The following SLC35F3 variants were observed in gnomAD, a reference collection of about 807,000 sequenced individuals.
SLC35F3 encodes solute carrier family 35 member F3.
Under a neutral mutation model 49.9 loss-of-function variants are expected in SLC35F3, and 25 were observed. That is an observed-to-expected ratio of 0.50 (90% CI 0.37 to 0.70). The LOEUF is 0.70. Ranked by LOEUF, SLC35F3 falls within the 30% of genes least tolerant of loss-of-function variation. The pLI, the probability that SLC35F3 is intolerant of heterozygous loss-of-function variation, is 0.00. For missense variants in SLC35F3, 525 were observed against 639.8 expected, an observed-to-expected ratio of 0.82 and a Z score of 1.94; for synonymous variants, 275 against 265.4, an observed-to-expected ratio of 1.04 and a Z score of -0.35.
At chr1:234,090,337 C>T (rs559696859) in intron 2 of SLC35F3, among the ~76,000 whole-genome samples, 28 of 152,412 alleles carry the variant, frequency 1.8e-4, no homozygotes, top group African/African-American at 5.5e-4. Flanking sequence ...GGAAGGTGCA[C>T]ATACTGCTGT....
intron 2 of SLC35F3, among the ~76,000 whole-genome samples, chr1:233,928,509 G>A (rs1662195427): frequency 6.6e-6 from 1 of 152,054 alleles, no homozygotes; most frequent in Admixed American, 6.6e-5. Flanking sequence ...TGGGCTCTGG[G>A]GAAACTAGTC....
intron 2 of SLC35F3, among the ~76,000 whole-genome samples, chr1:234,152,283 G>A (rs898961207): frequency 2.0e-5 from 3 of 151,000 alleles, no homozygotes; most frequent in South Asian, 4.2e-4. Context: ...TGTGCAGAAC[G>A]TGCAGGTTTG....
chr1:234,154,476 C>T (rs1334337257), intron 2 of SLC35F3, among the ~76,000 whole-genome samples: 3 of 152,072 alleles, frequency 2.0e-5, no homozygotes, highest in African/African-American at 7.2e-5. Flanking sequence ...TAATAGAAAC[C>T]AACCCTTCTT....
rs114753367 is a variant in SLC35F3 at position 234,104,403 on chromosome 1, T to C, written c.284-127014T>C. ...AAAAATCAGCCCTGTTGAAAGGGAA[T>C]AGAGAATGTCTAGAAGTTCAGAGAC... On this transcript the variant is annotated intron_variant, in intron 2 of 7. Transcript: ENST00000366618. 2.9e-3 allele frequency among the ~76,000 whole-genome samples: 445 copies of C among 152,304 alleles called. 1 individual carries two copies. The highest frequency in any genetic ancestry group is 0.01 in the African/African-American group (422 of 41,568).
intron 2 of SLC35F3, among the ~76,000 whole-genome samples, chr1:234,125,382 G>C (rs1403913352): frequency 6.6e-6 from 1 of 152,126 alleles, no homozygotes; most frequent in Non-Finnish European, 1.5e-5. Context: ...CCAGGACCCG[G>C]GCTGACGGAT....
chr1:234,021,399 A>G (rs1174430660), intron 2 of SLC35F3, among the ~76,000 whole-genome samples: 1 of 152,166 alleles, frequency 6.6e-6, no homozygotes, highest in Admixed American at 6.5e-5. Flanking sequence ...TCATATCATC[A>G]TCCCTTCTTT....
At chr1:234,237,789 T>C (rs1385744941) in intron 3 of SLC35F3, among the ~76,000 whole-genome samples, 1 of 152,232 alleles carries the variant, frequency 6.6e-6, no homozygotes, top group East Asian at 1.9e-4. Context: ...CAAGAGCAAG[T>C]GGAAATGCCC....
At chr1:234,147,097 G>A (rs1458596) in intron 2 of SLC35F3, among the ~76,000 whole-genome samples, 57,712 of 151,994 alleles carry the variant, frequency 0.38, 17,500 homozygotes, top group African/African-American at 0.8. Flanking sequence ...CTTTCTTTCT[G>A]AAGAGACTTT....
chr1:234,024,870 G>A (rs562640458), intron 2 of SLC35F3, among the ~76,000 whole-genome samples: 6 of 152,248 alleles, frequency 3.9e-5, no homozygotes, highest in Non-Finnish European at 7.4e-5. Flanking sequence ...TTTGTTACAT[G>A]GGTAAATTGA....
chr1:234,003,342 G>A (rs370530029), intron 2 of SLC35F3, among the ~76,000 whole-genome samples: 41 of 152,296 alleles, frequency 2.7e-4, no homozygotes, highest in African/African-American at 9.6e-4. Context: ...CCCATAGTCA[G>A]TGGAAGAGCA....
chr1:234,227,693 C>T (rs919180098), intron 2 of SLC35F3, among the ~76,000 whole-genome samples: 8 of 152,282 alleles, frequency 5.3e-5, no homozygotes, highest in East Asian at 3.9e-4. Flanking sequence ...CCACCGTGCC[C>T]GGCCGGCACT....
At chr1:233,939,461 G>GA (rs1228764766) in intron 2 of SLC35F3, among the ~76,000 whole-genome samples, 3 of 151,876 alleles carry the variant, frequency 2.0e-5, no homozygotes, top group South Asian at 2.1e-4. Context: ...TCTCCGAAAA[G>GA]AAAAAAAATT....
At chr1:234,029,913 G>T (rs922244258) in intron 2 of SLC35F3, among the ~76,000 whole-genome samples, 2 of 152,096 alleles carry the variant, frequency 1.3e-5, no homozygotes, top group Non-Finnish European at 1.5e-5. Context: ...ATTCTGTACA[G>T]AATTTCTTCT....
chr1:234,175,154 T>G (rs1265021949), intron 2 of SLC35F3, among the ~76,000 whole-genome samples: 1 of 152,228 alleles, frequency 6.6e-6, no homozygotes, highest in Non-Finnish European at 1.5e-5. Flanking sequence ...TCCAATAAAC[T>G]TTCTCATTTA....
At position 234,261,475 on chromosome 1, in the gene SLC35F3, G is replaced by A. The variant is rs143951801; in HGVS notation, c.608+29734G>A. Among the ~76,000 whole-genome samples, 3 of 152,208 alleles carry A rather than the reference G, an allele frequency of 2.0e-5. No homozygotes were observed. The East Asian group carries it at 5.8e-4, about 29-fold the overall frequency. On this transcript the variant is annotated intron_variant, in intron 3 of 7. Coordinates refer to ENST00000366618, the MANE Select transcript of SLC35F3 (RefSeq NM_173508.4). ...GCATTTGTAAATGGTAATGGTGCTG[G>A]TGGGAGTGTCTTTTGGCATGCTAAT...
Position 234,214,720 on chromosome 1 carries a change from C to A in SLC35F3, c.284-16697C>A. 9.1e-7 allele frequency: 1 copy of A among 1,097,658 alleles called. No homozygotes were observed. Among genetic ancestry groups the A allele is most frequent in the Non-Finnish European group, 1.2e-6 (1 of 819,500 alleles). The allele number at this position is 1,097,658 out of a possible 1,614,324, so 68.0% of individuals were successfully genotyped here. Reference sequence around the variant, plus strand: ...GGCTCCGCAGTGCAGAGCGCCGCCGCCTGCGTGGGGGGATCTGGCAGCTTC... The same window carrying A: ...GGCTCCGCAGTGCAGAGCGCCGCCGACTGCGTGGGGGGATCTGGCAGCTTC... On this transcript the variant is annotated intron_variant, in intron 2 of 7. Coordinates refer to ENST00000366618, the MANE Select transcript of SLC35F3 (RefSeq NM_173508.4). The surrounding 1 kb of genome is among the most constrained non-coding windows in gnomAD (Gnocchi z 8.0).
intron 2 of SLC35F3, among the ~76,000 whole-genome samples, chr1:234,146,845 A>T (rs1299424714): frequency 6.6e-6 from 1 of 152,004 alleles, no homozygotes; most frequent in South Asian, 2.1e-4. Flanking sequence ...TTTCAGTATC[A>T]ATATGATTTT....
intron 2 of SLC35F3, among the ~76,000 whole-genome samples, chr1:233,952,714 C>T (rs1028326353): frequency 2.0e-5 from 3 of 152,288 alleles, no homozygotes; most frequent in Admixed American, 6.5e-5. Context: ...GAGAACCATG[C>T]TTTCTTCACT....
chr1:234,317,939 G>A (rs1053312058), intron 5 of SLC35F3, among the ~76,000 whole-genome samples: 18 of 152,228 alleles, frequency 1.2e-4, no homozygotes, highest in Non-Finnish European at 1.6e-4. Flanking sequence ...TGTCCATGGG[G>A]ACTCCTAGGT....
Sources: gnomAD v4.1 joint callset for allele counts (sites outside exome capture counted in the v4.1 genomes callset) on GRCh38, gnomAD v4.1.1 for gene constraint, Gnocchi (gnomAD v3.1) non-coding constraint, MANE v1.5 for transcripts, NCBI Gene and HGNC (gene_info 2026-07-23, HGNC 2026-07-21) for gene names.